Variants in DNAH11 observed in about 807,000 individuals in gnomAD.
DNAH11 encodes axonemal beta dynein heavy chain 11.
DNAH11 carries 442 observed loss-of-function variants against 526.0 expected under a neutral mutation model. The ratio of observed to expected loss-of-function variants is 0.84; its 90% CI spans 0.78 to 0.91. The LOEUF is 0.91. Among genes scored for constraint, DNAH11 ranks in the 40% least tolerant of loss-of-function variants. The pLI, the probability that DNAH11 is intolerant of heterozygous loss-of-function variation, is 0.00. For missense variants in DNAH11, 6,989 were observed against 5,448.7 expected (o/e 1.28, Z -8.90); for synonymous variants, 2,461 against 1,935.9 (o/e 1.27, Z -7.12).
At chr7:21,679,965 A>G (rs1264173943) in intron 30 of DNAH11, among the ~76,000 whole-genome samples, 1 of 152,146 alleles carries the variant, frequency 6.6e-6, no homozygotes, top group Non-Finnish European at 1.5e-5. Flanking sequence ...GGTGTGCTGC[A>G]CCCATTCACT....
At chr7:21,606,613 C>CA in intron 19 of DNAH11, 34 bp from the exon 20 acceptor site, 9 of 1,096,740 alleles carry the variant, frequency 8.2e-6, no homozygotes, top group Non-Finnish European at 1.2e-5. Context: ...GTTTGAAATT[C>CA]ACTTTTTTTT....
At chr7:21,884,537 A>G in intron 76 of DNAH11, 127 bp downstream of exon 76, 1 of 1,070,010 alleles carries the variant, frequency 9.3e-7, no homozygotes, top group Non-Finnish European at 1.3e-6. Context: ...CTTTTGGGAA[A>G]TTTCTTAGAA....
At chr7:21,608,483 G>A (rs1785389746) in intron 20 of DNAH11, among the ~76,000 whole-genome samples, 1 of 152,146 alleles carries the variant, frequency 6.6e-6, no homozygotes, top group Non-Finnish European at 1.5e-5. Flanking sequence ...GGCTGACAGA[G>A]CCCTTACCTC....
chr7:21,850,980 T>C (rs1782610124), intron 66 of DNAH11, among the ~76,000 whole-genome samples: 1 of 152,272 alleles, frequency 6.6e-6, no homozygotes, highest in Admixed American at 6.5e-5. Context: ...ATCTCAGGGT[T>C]TTTTAGGAGC....
intron 53 of DNAH11, among the ~76,000 whole-genome samples, chr7:21,750,006 T>C (rs1342758264): frequency 6.6e-6 from 1 of 152,230 alleles, no homozygotes; most frequent in African/African-American, 2.4e-5. Context: ...GTAAATGTTA[T>C]TCTTACACGT....
intron 18 of DNAH11, among the ~76,000 whole-genome samples, chr7:21,602,521 G>C (rs1442060488): frequency 4.6e-5 from 7 of 151,460 alleles, no homozygotes; most frequent in African/African-American, 1.7e-4. Context: ...TCACAATTTA[G>C]ATTCTTTTTC....
At chr7:21,770,258 G>C (rs1298489880) in intron 55 of DNAH11, among the ~76,000 whole-genome samples, 1 of 152,168 alleles carries the variant, frequency 6.6e-6, no homozygotes, top group African/African-American at 2.4e-5. Flanking sequence ...ATATCATGGG[G>C]ATGGGACCCA....
chr7:21,555,359 G>A (rs893599641), intron 2 of DNAH11, among the ~76,000 whole-genome samples: 3 of 152,202 alleles, frequency 2.0e-5, no homozygotes, highest in African/African-American at 7.2e-5. Context: ...CTATCTGGGG[G>A]AATGTCAGAG....
At chr7:21,835,472 T>TAAATG (rs1173444877) in intron 65 of DNAH11, among the ~76,000 whole-genome samples, 1 of 152,106 alleles carries the variant, frequency 6.6e-6, no homozygotes, top group Non-Finnish European at 1.5e-5. Flanking sequence ...CACAAATCAA[T>TAAATG]AAATGTGATA....
At chr7:21,846,487 A>G (rs1335361515) in intron 66 of DNAH11, among the ~76,000 whole-genome samples, 2 of 151,966 alleles carry the variant, frequency 1.3e-5, no homozygotes, top group African/African-American at 4.8e-5. Flanking sequence ...ATATGACTAC[A>G]TTTTTCTTCT....
chr7:21,572,098 ATGACTTGCC>A, intron 8 of DNAH11, 125 bp downstream of exon 8: 3 of 808,146 alleles, frequency 3.7e-6, no homozygotes, highest in Non-Finnish European at 5.1e-6. Context: ...AAGAGGTTAC[ATGACTTGCC>A]TGAAGTCTTG....
chr7:21,757,758 C>T (rs1324525563), intron 54 of DNAH11, among the ~76,000 whole-genome samples: 2 of 152,102 alleles, frequency 1.3e-5, no homozygotes, highest in Non-Finnish European at 2.9e-5. Context: ...AGACTCTCAA[C>T]AAAAAATGTC....
chr7:21,836,522 T>TGGAAAAATGATAACCACATGC (rs1782003692), intron 65 of DNAH11, among the ~76,000 whole-genome samples: 1 of 152,134 alleles, frequency 6.6e-6, no homozygotes, highest in Non-Finnish European at 1.5e-5. Flanking sequence ...TAAATGGTGC[T>TGGAAAAATGATAACCACATGC]GGAAAAATGA....
intron 48 of DNAH11, 61 bp from the exon 49 acceptor site, chr7:21,741,866 T>G: frequency 6.4e-7 from 1 of 1,572,148 alleles, no homozygotes; most frequent in Non-Finnish European, 8.6e-7. Flanking sequence ...AAAAATCAGG[T>G]CTTTGCAATT....
At position 21,683,883 on chromosome 7, in the gene DNAH11, C is replaced by G; in HGVS notation, c.5560C>G (p.Gln1854Glu). The stretch of plus-strand genomic sequence containing the variant: ...TGTTAATATTTGTGATGCCCAGTTC[C>G]AGTACTTCTATGAATACTTAGGAAA... ...CFVNICDAQF[Q>E]YFYEYLGNSP... The change falls in exon 32 of 82, where the codon CAG (glutamine) becomes GAG (glutamate). Residue 1854 changes from glutamine to glutamate, a missense_variant. Transcript: ENST00000409508. 6.2e-7 allele frequency: 1 copy of G among 1,613,760 alleles called. No individual in the cohort carries two copies. The highest frequency in any genetic ancestry group is 1.1e-5 in the South Asian group (1 of 91,024).
intron 30 of DNAH11, among the ~76,000 whole-genome samples, chr7:21,677,213 T>C (rs544170150): frequency 2.1e-3 from 322 of 152,092 alleles, no homozygotes; most frequent in African/African-American, 7.0e-3. Context: ...CTTTTTTTTT[T>C]TTTTTTTTTA....
chr7:21,606,282 C>A, intron 18 of DNAH11, 144 bp from the exon 19 acceptor site: 1 of 666,940 alleles, frequency 1.5e-6, no homozygotes, highest in Non-Finnish European at 2.5e-6. Context: ...GAGATCATGC[C>A]AGTGCACTCC....
intron 36 of DNAH11, among the ~76,000 whole-genome samples, chr7:21,702,310 G>A (rs1784097495): frequency 6.6e-6 from 1 of 152,162 alleles, no homozygotes; most frequent in East Asian, 1.9e-4. Context: ...AGTCTGGGGA[G>A]AAGTAGAATA....
At chr7:21,560,710 T>C (rs888590677) in intron 4 of DNAH11, among the ~76,000 whole-genome samples, 1 of 152,116 alleles carries the variant, frequency 6.6e-6, no homozygotes, top group African/African-American at 2.4e-5. Flanking sequence ...AGATTGAGGG[T>C]GAGTCTGCCT....
Sources: gnomAD v4.1 joint callset for allele counts (sites outside exome capture counted in the v4.1 genomes callset) on GRCh38, gnomAD v4.1.1 for gene constraint, MANE v1.5 for transcripts, NCBI Gene and HGNC (gene_info 2026-07-23, HGNC 2026-07-21) for gene names.